HELZ: variants seen among roughly 807,000 people sequenced by gnomAD.
The protein encoded by HELZ is helicase with zinc finger.
In HELZ, 23 loss-of-function variants were observed where a neutral mutation model predicts 218.2. The observed-to-expected ratio is 0.11, with a 90% confidence interval of 0.08 to 0.15. The LOEUF (loss-of-function observed/expected upper bound fraction) is 0.15, where lower values mean the gene tolerates loss of function less well. HELZ is among the 10% of genes least tolerant of loss of function. The pLI, the probability that HELZ is intolerant of heterozygous loss-of-function variation, is 1.00. For synonymous variants in HELZ, 814 were observed against 829.4 expected (o/e 0.98, Z 0.32); for missense variants, 1,813 against 2,353.7 (o/e 0.77, Z 4.75).
At chr17:67,120,381 G>A (rs1457735674) in intron 27 of HELZ, 24 bp downstream of exon 27, 2 of 1,589,184 alleles carry the variant, frequency 1.3e-6, no homozygotes, top group Admixed American at 1.7e-5. Context: ...TTTATGAACA[G>A]GAGAACAGCG....
rs76057811 is a variant in HELZ at position 67,243,998 on chromosome 17, G to A, written c.-131-159C>T. The A allele has an allele frequency of 2.3e-4, 229 of 985,128 alleles. No homozygotes were observed. In the African/African-American group the frequency reaches 3.9e-3, roughly 17 times the overall value. The allele number at this position is 985,128 out of a possible 1,614,324, so 61.0% of individuals were successfully genotyped here. A position where few individuals can be genotyped will look rare whatever the true frequency, so the allele number is the denominator to read the frequency against. On this transcript the variant is annotated intron_variant, in intron 1 of 32. Coordinates refer to ENST00000358691, the MANE Select transcript of HELZ (RefSeq NM_014877.4). ...AGCTTTGCAAATGAGTCTGGTTTTT[G>A]ACCTTAAAACATTTCCTTTCAGTAA...
At chr17:67,197,140 T>C (rs760141803) in intron 7 of HELZ, among the ~76,000 whole-genome samples, 6 of 152,196 alleles carry the variant, frequency 3.9e-5, no homozygotes, top group Non-Finnish European at 8.8e-5. Flanking sequence ...CAGTGGGAGA[T>C]AACTGAATCA....
In HELZ at chr17:67,178,470, G is replaced by C. The variant is rs1354686459; in HGVS notation, c.1430+189C>G. On this transcript the variant is annotated intron_variant, in intron 13 of 32. Coordinates refer to ENST00000358691, the MANE Select transcript of HELZ (RefSeq NM_014877.4). Reference sequence around the variant, plus strand: ...GAAATGAACTATGTGCTAAATAACAGGGATACCATGGTGAGCATGAGACAG... The same window carrying C: ...GAAATGAACTATGTGCTAAATAACACGGATACCATGGTGAGCATGAGACAG... Among the ~76,000 whole-genome samples, 6 of 152,254 alleles carry C rather than the reference G, an allele frequency of 3.9e-5. No individual in the cohort carries two copies. In the East Asian group the frequency reaches 1.2e-3, roughly 29 times the overall value.
rs369477825 is a variant in HELZ, at chr17:67,231,332, G to A, written c.-19+8101C>T. On this transcript the variant is annotated intron_variant, in intron 3 of 32. Transcript: ENST00000358691. ...ACAATGGCTGGGTGTGGTGGCTCAC[G>A]CATGTAATCCCAGCACTTTGGGAGG... is the stretch of plus-strand genomic sequence containing the variant. Among the ~76,000 whole-genome samples, 9 of 151,948 alleles carry A rather than the reference G, an allele frequency of 5.9e-5. No individual in the cohort carries two copies. In the East Asian group the frequency reaches 1.4e-3, roughly 23 times the overall value.
In HELZ at chr17:67,188,169, C is replaced by A; in HGVS notation, c.1162+150G>T. ...GGGCACAGTGTGAATCATTATAAGC[C>A]CATTACACAGTAAATGAGTCAATTA... On this transcript the variant is annotated intron_variant, in intron 12 of 32. Coordinates refer to ENST00000358691, the MANE Select transcript of HELZ (RefSeq NM_014877.4). This position sits in a 1 kb window ranked among gnomAD's most constrained non-coding sequence, Gnocchi z 4.1. The A allele has an allele frequency of 1.4e-6, 1 of 690,238 alleles. No homozygotes were observed. Among genetic ancestry groups the A allele is most frequent in the Non-Finnish European group, 2.4e-6 (1 of 417,642 alleles). The allele number at this position is 690,238 out of a possible 1,614,324, so 42.8% of individuals were successfully genotyped here. A position where few individuals can be genotyped will look rare whatever the true frequency, so the allele number is the denominator to read the frequency against.
chr17:67,092,894 G>GT lies in HELZ; in HGVS notation c.5242-5814_5242-5813insA, dbSNP rs941546555. Among the ~76,000 whole-genome samples, 27 of 151,248 alleles carry GT rather than the reference G, an allele frequency of 1.8e-4. 1 individual carries two copies. The highest frequency in any genetic ancestry group is 7.2e-4 in the Admixed American group (11 of 15,184). ...GCAAGAGAACTGCTTGAAACCGGCGGGGGGGGGAAGTTGCAGTGAGCCAAG... is the reference window on the plus strand; with the variant it reads ...GCAAGAGAACTGCTTGAAACCGGCGGTGGGGGGGAAGTTGCAGTGAGCCAAG... On this transcript the variant is annotated intron_variant, in intron 31 of 32. Coordinates refer to ENST00000358691, the MANE Select transcript of HELZ (RefSeq NM_014877.4).
chr17:67,105,657 T>G (rs2037078512), intron 31 of HELZ, among the ~76,000 whole-genome samples: 1 of 152,182 alleles, frequency 6.6e-6, no homozygotes, highest in African/African-American at 2.4e-5. Context: ...AACTGAAAAT[T>G]ACATTACTGA....
At chr17:67,125,817 C>T (rs186506587) in intron 24 of HELZ, among the ~76,000 whole-genome samples, 1 of 152,112 alleles carries the variant, frequency 6.6e-6, no homozygotes, top group East Asian at 1.9e-4. Context: ...TCCCATGAGC[C>T]CTAAAAGCAG....
At position 67,071,107 on chromosome 17, in the gene HELZ, T is replaced by C. The variant is rs1381197511; in HGVS notation, c.*7145A>G. 3 of 152,440 alleles carry C rather than the reference T, an allele frequency of 2.0e-5. No individual in the cohort carries two copies. The highest frequency in any genetic ancestry group is 4.4e-5 in the Non-Finnish European group (3 of 68,030). The allele number at this position is 152,440 out of a possible 1,614,324, so 9.4% of individuals were successfully genotyped here. ...TTACCTAGGATACAACTACTACATATAGCCAGTACCTTTATGGGGTTTAAA... is the reference window on the plus strand; with the variant it reads ...TTACCTAGGATACAACTACTACATACAGCCAGTACCTTTATGGGGTTTAAA... On this transcript the variant is annotated 3_prime_UTR_variant, in exon 33 of 33. Transcript: ENST00000358691.
intron 5 of HELZ, among the ~76,000 whole-genome samples, chr17:67,212,314 CAAAAAAAAAAAA>C: frequency 4.7e-5 from 1 of 21,406 alleles, no homozygotes; most frequent in South Asian, 4.4e-3. Flanking sequence ...GACACCATCT[CAAAAAAAAAAAA>C]AAAAAAAAAG....
chr17:67,215,501 G>A (rs527366000), intron 5 of HELZ, among the ~76,000 whole-genome samples: 289 of 152,040 alleles, frequency 1.9e-3, no homozygotes, highest in African/African-American at 4.2e-3. Context: ...GGCATGCGCC[G>A]CCACGCCCAG....
At chr17:67,213,696 T>C (rs1316448517) in intron 5 of HELZ, among the ~76,000 whole-genome samples, 4 of 151,328 alleles carry the variant, frequency 2.6e-5, no homozygotes, top group Non-Finnish European at 4.4e-5. Flanking sequence ...GACTATCCTA[T>C]AAAAAAAAGG....
In HELZ at chr17:67,218,724, C is replaced by T; in HGVS notation, c.81G>A (p.Lys27=). 1 of 1,614,168 alleles carries T rather than the reference C, an allele frequency of 6.2e-7. No individual in the cohort carries two copies. Residue 27 remains lysine (K), a synonymous_variant, in exon 4 of 33, where the codon AAG becomes AAA. Transcript: ENST00000358691. ...LKRQDYEMAL[K]HCTEALLSLG... ...GAGAAAGAAGGGCCTCTGTGCAGTG[C>T]TTGAGGGCCATTTCATAGTCCTGCC...
chr17:67,231,228 T>C (rs1241653543), intron 3 of HELZ, among the ~76,000 whole-genome samples: 1 of 152,178 alleles, frequency 6.6e-6, no homozygotes, highest in Non-Finnish European at 1.5e-5. Flanking sequence ...GGATAGATTC[T>C]GGAACAGAAA....
Position 67,107,618 on chromosome 17 carries a change from G to A in HELZ, c.4792C>T (p.Pro1598Ser). The A allele has an allele frequency of 6.2e-7, 1 of 1,614,066 alleles. No homozygotes were observed. The highest frequency in any genetic ancestry group is 8.5e-7 in the Non-Finnish European group (1 of 1,179,956). Reference sequence around the variant, plus strand: ...TGCAAAAGTCTTGATTGAGGTGGTGGCATTTCAGCTAGTTCCCGTGTTTCA... The same window carrying A: ...TGCAAAAGTCTTGATTGAGGTGGTGACATTTCAGCTAGTTCCCGTGTTTCA... ...QSETRELAEM[P>S]PPQSRLLQYR... is the part of the protein sequence containing the mutation. The change falls in exon 31 of 33, where the codon CCA (proline) becomes TCA (serine). Residue 1598 changes from proline (P) to serine (S), a missense_variant. Transcript: ENST00000358691.
chr17:67,166,048 T>C lies in HELZ; in HGVS notation c.1895+430A>G, dbSNP rs562753999. 5.9e-5 allele frequency among the ~76,000 whole-genome samples: 9 copies of C among 152,132 alleles called. No individual in the cohort carries two copies. The East Asian group carries it at 1.5e-3, about 26-fold the overall frequency. ...CTACTCAGAGGCTGAGGCAGGAGAG[T>C]TGCTTGAGCCCGGGAGTTCAAGGCT... On this transcript the variant is annotated intron_variant, in intron 15 of 32. Coordinates refer to ENST00000358691, the MANE Select transcript of HELZ (RefSeq NM_014877.4).
In HELZ at chr17:67,083,492, T is replaced by C. The variant is rs191819444; in HGVS notation, c.5494+3337A>G. On this transcript the variant is annotated intron_variant, in intron 32 of 32. Coordinates refer to ENST00000358691, the MANE Select transcript of HELZ (RefSeq NM_014877.4). ...CTGTCTCTACTAAAAACACAAAAAT[T>C]AGGCGGGCGCCTGTAATCCCAGCTA... Among the ~76,000 whole-genome samples, 321 of 151,826 alleles carry C rather than the reference T, an allele frequency of 2.1e-3. 1 individual carries two copies. Among genetic ancestry groups the C allele is most frequent in the African/African-American group, 7.5e-3 (312 of 41,450 alleles).
At chr17:67,201,067 A>G (rs769232195) in intron 7 of HELZ, 62 bp downstream of exon 7, 1 of 1,239,974 alleles carries the variant, frequency 8.1e-7, no homozygotes, top group East Asian at 2.3e-5. Flanking sequence ...ATTTTAATAC[A>G]TAATGCTTAC....
At position 67,205,219 on chromosome 17, in the gene HELZ, G is replaced by A. The variant is rs1446696550; in HGVS notation, c.248-1776C>T. On this transcript the variant is annotated intron_variant, in intron 5 of 32. Coordinates refer to ENST00000358691, the MANE Select transcript of HELZ (RefSeq NM_014877.4). ...CAGGCACCTGTAATCCCAGCTACTC[G>A]GGAGGCTGAGGCAGGAGAACCGCTT... Among the ~76,000 whole-genome samples the A allele has an allele frequency of 3.9e-5, 6 of 151,968 alleles. No homozygotes were observed. The East Asian group carries it at 7.7e-4, about 20-fold the overall frequency.
Sources: allele counts gnomAD v4.1 joint callset (sites outside exome capture counted in the v4.1 genomes callset), GRCh38; gene constraint gnomAD v4.1.1; non-coding constraint Gnocchi (gnomAD v3.1); transcripts MANE v1.5; gene names NCBI Gene and HGNC (gene_info 2026-07-23, HGNC 2026-07-21).